APBA1: variants seen among roughly 807,000 people sequenced by gnomAD.
The protein encoded by APBA1 is amyloid-beta A4 precursor protein-binding family A member 1.
APBA1 carries 55 observed loss-of-function variants against 86.6 expected under a neutral mutation model. The observed-to-expected ratio is 0.64, with a 90% CI of 0.51 to 0.80. The LOEUF (loss-of-function observed/expected upper bound fraction) is 0.80, where lower values mean the gene tolerates loss of function less well. APBA1 is among the 30% of genes least tolerant of loss of function. APBA1 has a pLI of 0.00. For synonymous variants in APBA1, 511 were observed against 493.9 expected, an observed-to-expected ratio of 1.03 and a Z score of -0.46; for missense variants, 1,090 against 1,183.0, an observed-to-expected ratio of 0.92 and a Z score of 1.15.
At chr9:69,619,702 A>G (rs1012675963) in intron 1 of APBA1, among the ~76,000 whole-genome samples, 4 of 152,210 alleles carry the variant, frequency 2.6e-5, no homozygotes, top group Non-Finnish European at 5.9e-5. Context: ...CCCTGCTTAA[A>G]CAATAAAACC....
At chr9:69,594,576 G>A (rs2133967782) in intron 1 of APBA1, among the ~76,000 whole-genome samples, 1 of 152,306 alleles carries the variant, frequency 6.6e-6, no homozygotes, top group African/African-American at 2.4e-5. Context: ...AAGGGAGGTT[G>A]TGGTGAATAT....
intron 5 of APBA1, among the ~76,000 whole-genome samples, chr9:69,460,392 G>A (rs141645677): frequency 1.3e-5 from 2 of 152,168 alleles, no homozygotes; most frequent in East Asian, 1.9e-4. Flanking sequence ...GCCACACCAC[G>A]AGGATTCCCG....
At chr9:69,642,768 T>C (rs933311929) in intron 1 of APBA1, among the ~76,000 whole-genome samples, 1 of 151,680 alleles carries the variant, frequency 6.6e-6, no homozygotes, top group African/African-American at 2.4e-5. Context: ...ATAATATAAG[T>C]GGGCTTCATA....
At chr9:69,440,885 G>A in intron 11 of APBA1, 111 bp downstream of exon 11, 1 of 1,343,594 alleles carries the variant, frequency 7.4e-7, no homozygotes, top group South Asian at 1.3e-5. Context: ...CACGCTGGGA[G>A]TTGTAGACTG....
At chr9:69,466,211 C>G (rs1409972770) in intron 5 of APBA1, among the ~76,000 whole-genome samples, 1 of 152,144 alleles carries the variant, frequency 6.6e-6, no homozygotes, top group East Asian at 1.9e-4. Context: ...CGGCAGTGAG[C>G]AGCCTGAGGA....
chr9:69,580,165 C>T lies in APBA1; in HGVS notation c.-69-62886G>A, dbSNP rs560148482. On this transcript the variant is annotated intron_variant, in intron 1 of 12. Coordinates refer to ENST00000265381, the MANE Select transcript of APBA1 (RefSeq NM_001163.4). The stretch of plus-strand genomic sequence containing the variant: ...TAAATACCTGGATGGCCCACTGGTG[C>T]TGTTTTGCTTGCCAAACGTTATTGA... 2.0e-5 allele frequency among the ~76,000 whole-genome samples: 3 copies of T among 152,290 alleles called. No homozygotes were observed. The South Asian group carries it at 6.2e-4, about 32-fold the overall frequency.
chr9:69,579,652 G>A (rs907926546), intron 1 of APBA1, among the ~76,000 whole-genome samples: 3 of 152,296 alleles, frequency 2.0e-5, no homozygotes, highest in Middle Eastern at 3.4e-3. Context: ...TGGATTTTAA[G>A]CCAATGTTCT....
chr9:69,612,836 A>G (rs913701830), intron 1 of APBA1, among the ~76,000 whole-genome samples: 1 of 152,080 alleles, frequency 6.6e-6, no homozygotes, highest in African/African-American at 2.4e-5. Flanking sequence ...GGAAGAAGAA[A>G]GAGGATAGAA....
chr9:69,630,990 T>C (rs980402935), intron 1 of APBA1, among the ~76,000 whole-genome samples: 1 of 152,150 alleles, frequency 6.6e-6, no homozygotes, highest in Non-Finnish European at 1.5e-5. Flanking sequence ...GCAAGACACA[T>C]ATCTCCAGGA....
intron 2 of APBA1, among the ~76,000 whole-genome samples, chr9:69,495,568 C>T (rs1440006915): frequency 6.6e-6 from 1 of 152,054 alleles, no homozygotes; most frequent in African/African-American, 2.4e-5. Flanking sequence ...ATTAACCCCT[C>T]GCTGCCTGAA....
chr9:69,441,456 C>CAAAG (rs1447648481), intron 10 of APBA1, among the ~76,000 whole-genome samples: 3 of 152,098 alleles, frequency 2.0e-5, no homozygotes, highest in African/African-American at 7.2e-5. Context: ...TTTTTGGCTT[C>CAAAG]AAAGATGAAG....
chr9:69,460,967 G>A (rs1393395528), intron 5 of APBA1: 4 of 152,182 alleles, frequency 2.6e-5, no homozygotes, highest in Admixed American at 6.5e-5. Context: ...CTGACCTCAG[G>A]TCATCCACCC....
At chr9:69,488,048 G>T (rs539043021) in intron 2 of APBA1, among the ~76,000 whole-genome samples, 13 of 152,146 alleles carry the variant, frequency 8.5e-5, no homozygotes, top group Non-Finnish European at 1.8e-4. Context: ...GGGAAAGTTG[G>T]AGTCTTTCTC....
intron 1 of APBA1, among the ~76,000 whole-genome samples, chr9:69,618,960 G>A (rs1681630514): frequency 1.3e-5 from 2 of 152,134 alleles, no homozygotes; most frequent in African/African-American, 4.8e-5. Flanking sequence ...TACCCCATGG[G>A]CTGTGTGAAA....
At chr9:69,462,555 A>G (rs1242969647) in intron 5 of APBA1, 3 of 152,314 alleles carry the variant, frequency 2.0e-5, no homozygotes, top group Non-Finnish European at 4.4e-5. Flanking sequence ...GTGCTCAAAT[A>G]AGTATGGGAG....
At chr9:69,485,045 G>A (rs1835584806) in intron 2 of APBA1, among the ~76,000 whole-genome samples, 1 of 151,720 alleles carries the variant, frequency 6.6e-6, no homozygotes, top group Non-Finnish European at 1.5e-5. Context: ...TGAACTCCTG[G>A]GCTCAAGCAA....
intron 1 of APBA1, among the ~76,000 whole-genome samples, chr9:69,545,057 G>C (rs1184835157): frequency 6.6e-6 from 1 of 152,302 alleles, no homozygotes; most frequent in South Asian, 2.1e-4. Context: ...ATTGACTAGG[G>C]GTAGACCCCT....
chr9:69,523,226 T>C (rs1433446286), intron 1 of APBA1, among the ~76,000 whole-genome samples: 4 of 152,012 alleles, frequency 2.6e-5, no homozygotes, highest in South Asian at 4.1e-4. Context: ...TTAGTTGCTC[T>C]TTCCTTAAGC....
intron 2 of APBA1, among the ~76,000 whole-genome samples, chr9:69,498,189 T>C (rs1333234810): frequency 1.3e-5 from 2 of 152,246 alleles, no homozygotes; most frequent in African/African-American, 2.4e-5. Context: ...CCAGACTCCA[T>C]GACCTTCTTA....
Sources: allele counts gnomAD v4.1 joint callset (sites outside exome capture counted in the v4.1 genomes callset), GRCh38; gene constraint gnomAD v4.1.1; transcripts MANE v1.5; gene names NCBI Gene and HGNC (gene_info 2026-07-23, HGNC 2026-07-21).